Variants in EQTN observed in about 807,000 individuals in gnomAD.
The protein encoded by EQTN is equatorin.
In EQTN, 29 loss-of-function variants were observed where a neutral mutation model predicts 26.9. That is an observed-to-expected ratio of 1.08 (90% CI 0.80 to 1.47). The LOEUF is 1.47. Ranked by LOEUF, EQTN falls within the 40% of genes most tolerant of loss-of-function variation. The pLI is 0.00. For synonymous variants in EQTN, 129 were observed against 120.0 expected (o/e 1.07, Z -0.49); for missense variants, 391 against 346.1 (o/e 1.13, Z -1.03).
chr9:27,292,449 T>A lies in EQTN; in HGVS notation c.328A>T (p.Ile110Phe), dbSNP rs751279552. The change falls in exon 4 of 8, where the codon ATT becomes TTT. Residue 110 changes from isoleucine (I) to phenylalanine (F), a missense_variant. Coordinates refer to ENST00000380032, the MANE Select transcript of EQTN (RefSeq NM_020641.3). ...VNATTYEKST[I>F]EEETTTSEPS... ...TCGCTAGTAGTTGTTTCTTCTTCAA[T>A]GGTGGATTTTTCATATGTAGTTGCA... 1.2e-6 allele frequency: 2 copies of A among 1,609,276 alleles called. No homozygotes were observed. Among genetic ancestry groups the A allele is most frequent in the Admixed American group, 1.7e-5 (1 of 59,654 alleles).
At chr9:27,291,493 T>G (rs1307873072) in intron 4 of EQTN, among the ~76,000 whole-genome samples, 1 of 152,158 alleles carries the variant, frequency 6.6e-6, no homozygotes, top group Non-Finnish European at 1.5e-5. Context: ...GTAAGCAGGC[T>G]CAGTAAGCTC....
chr9:27,294,771 G>T (rs1445204973), intron 2 of EQTN, among the ~76,000 whole-genome samples: 2 of 152,138 alleles, frequency 1.3e-5, no homozygotes, highest in Non-Finnish European at 2.9e-5. Context: ...ACCTGCCCTT[G>T]AACCTTCTGT....
intron 1 of EQTN, 38 bp downstream of exon 1, chr9:27,296,942 A>G (rs536163428): frequency 1.2e-6 from 2 of 1,600,336 alleles, no homozygotes; most frequent in South Asian, 1.1e-5. Flanking sequence ...CATCCTTCTT[A>G]CCTACTATTT....
At chr9:27,293,489 G>C (rs1325268779) in intron 3 of EQTN, among the ~76,000 whole-genome samples, 1 of 152,198 alleles carries the variant, frequency 6.6e-6, no homozygotes, top group Non-Finnish European at 1.5e-5. Flanking sequence ...GTCTCCTTCT[G>C]TCAGAGCCCC....
chr9:27,295,603 G>A (rs1448846733), intron 2 of EQTN, among the ~76,000 whole-genome samples: 1 of 151,868 alleles, frequency 6.6e-6, no homozygotes, highest in African/African-American at 2.4e-5. Flanking sequence ...GGAGGCCGAG[G>A]CGGGCGGATC....
At chr9:27,291,088 C>G in intron 4 of EQTN, 25 bp from the exon 5 acceptor site, 1 of 1,576,748 alleles carries the variant, frequency 6.3e-7, no homozygotes, top group East Asian at 2.3e-5. Context: ...CAAAACACAA[C>G]AAGAACAACA....
At chr9:27,296,765 A>T (rs778963564) in intron 1 of EQTN, 27 bp from the exon 2 acceptor site, 1 of 1,591,704 alleles carries the variant, frequency 6.3e-7, no homozygotes, top group South Asian at 1.2e-5. Flanking sequence ...CACACCATAG[A>T]TCAGAAATAT....
intron 7 of EQTN, among the ~76,000 whole-genome samples, chr9:27,285,877 T>TA (rs1254905395): frequency 1.3e-5 from 2 of 152,154 alleles, no homozygotes; most frequent in Non-Finnish European, 2.9e-5. Flanking sequence ...CTTGCTTGAA[T>TA]AAAAAACATT....
rs554918171 is a variant in EQTN, at chr9:27,285,435, C to T, written c.636-463G>A. ...GGGATTACAGGTGTGAGCCACCACGCCCGGCCTAGTTTTTCTTTCATTGTA... is the reference window on the plus strand; with the variant it reads ...GGGATTACAGGTGTGAGCCACCACGTCCGGCCTAGTTTTTCTTTCATTGTA... On this transcript the variant is annotated intron_variant, in intron 7 of 7. Coordinates refer to ENST00000380032, the MANE Select transcript of EQTN (RefSeq NM_020641.3). Among the ~76,000 whole-genome samples the T allele has an allele frequency of 2.6e-5, 4 of 152,256 alleles. No individual in the cohort carries two copies. The South Asian group carries it at 8.3e-4, about 32-fold the overall frequency.
chr9:27,293,688 T>C (rs115080657), intron 3 of EQTN, among the ~76,000 whole-genome samples: 67 of 152,330 alleles, frequency 4.4e-4, no homozygotes, highest in African/African-American at 1.5e-3. Context: ...CTTCATGTCT[T>C]GTCCCAGACA....
chr9:27,295,009 A>C (rs1393691915), intron 2 of EQTN, among the ~76,000 whole-genome samples: 1 of 152,224 alleles, frequency 6.6e-6, no homozygotes, highest in East Asian at 1.9e-4. Flanking sequence ...TCCTCTCTCC[A>C]AAATTTCATA....
At chr9:27,286,051 A>T (rs1345797042) in intron 7 of EQTN, among the ~76,000 whole-genome samples, 158 bp downstream of exon 7, 4 of 152,242 alleles carry the variant, frequency 2.6e-5, no homozygotes, top group Non-Finnish European at 4.4e-5. Flanking sequence ...CCTTAAAGAC[A>T]GTCCCGTGCT....
chr9:27,286,479 G>A, intron 6 of EQTN, 117 bp from the exon 7 acceptor site: 3 of 983,240 alleles, frequency 3.1e-6, no homozygotes, highest in South Asian at 1.6e-5. Flanking sequence ...GTATTAACTG[G>A]CCGGTCTCCC....
intron 7 of EQTN, 114 bp from the exon 8 acceptor site, chr9:27,285,086 T>C (rs1224052405): frequency 1.4e-6 from 1 of 737,302 alleles, no homozygotes; most frequent in Non-Finnish European, 2.1e-6. Context: ...AAGTGTTAGT[T>C]ACTTAGTAAC....
In EQTN at chr9:27,296,608, CTT is replaced by C; in HGVS notation, c.202+3_202+4del. The C allele has an allele frequency of 6.7e-7, 1 of 1,487,896 alleles. No homozygotes were observed. The highest frequency in any genetic ancestry group is 9.3e-7 in the Non-Finnish European group (1 of 1,079,094). 92.2% of individuals were successfully genotyped at this position (1,487,896 alleles called of 1,614,324 possible). A position where few individuals can be genotyped will look rare whatever the true frequency, so the allele number is the denominator to read the frequency against. On this transcript the variant is annotated splice_donor_region_variant and intron_variant, in intron 2 of 7. Coordinates refer to ENST00000380032, the MANE Select transcript of EQTN (RefSeq NM_020641.3). ...TATACATTTCTATTCACTTTAAAGACTTACATTGTTTTATATCTTTATAATAA... is the reference window on the plus strand; with the variant it reads ...TATACATTTCTATTCACTTTAAAGACACATTGTTTTATATCTTTATAATAA...
At chr9:27,295,831 CAAAAAAAAAAA>C (rs67401588) in intron 2 of EQTN, among the ~76,000 whole-genome samples, 3 of 69,294 alleles carry the variant, frequency 4.3e-5, no homozygotes. Context: ...GACTCCGTCT[CAAAAAAAAAAA>C]AAAAAAAAAA....
Position 27,284,954 on chromosome 9 carries a change from A to T in EQTN, c.654T>A (p.Ser218Arg), listed in dbSNP as rs775718321. The change falls in exon 8 of 8, where the codon AGT (serine) becomes AGA (arginine). Residue 218 changes from serine to arginine, a missense_variant. Transcript: ENST00000380032. ...CCAGCTCTGGGTTGACAGAGTACTGACTCTCACAACTTTTATAACTGAAGA... is the reference window on the plus strand; with the variant it reads ...CCAGCTCTGGGTTGACAGAGTACTGTCTCTCACAACTTTTATAACTGAAGA... ...LRHLSYKSCE[S>R]QYSVNPELAT... The T allele has an allele frequency of 2.5e-6, 4 of 1,612,292 alleles. No individual in the cohort carries two copies. The South Asian group carries it at 4.4e-5, about 18-fold the overall frequency.
chr9:27,296,875 A>G lies in EQTN; in HGVS notation c.76+105T>C, dbSNP rs1312611063. On this transcript the variant is annotated intron_variant, in intron 1 of 7. Coordinates refer to ENST00000380032, the MANE Select transcript of EQTN (RefSeq NM_020641.3). Reference sequence around the variant, plus strand: ...TAAAACATACCATAGCTCCAACAATAAAGTTTATATCCTCCTGTAGAAAAC... The same window carrying G: ...TAAAACATACCATAGCTCCAACAATGAAGTTTATATCCTCCTGTAGAAAAC... 5 of 1,555,292 alleles carry G rather than the reference A, an allele frequency of 3.2e-6. No homozygotes were observed. In the South Asian group the frequency reaches 3.7e-5, roughly 11 times the overall value.
chr9:27,284,739 T>C lies in EQTN; in HGVS notation c.869A>G (p.Glu290Gly). ...GSDNEMHENDESVTR is the reference protein window; with the variant it reads ...GSDNEMHENDGSVTR ...TTGATTTCTTCACCGGGTAACCGACTCATCGTTTTCATGCATCTCATTATC... is the reference window on the plus strand; with the variant it reads ...TTGATTTCTTCACCGGGTAACCGACCCATCGTTTTCATGCATCTCATTATC... The change falls in exon 8 of 8, where the codon GAG becomes GGG. Residue 290 changes from glutamate (E) to glycine (G), a missense_variant. Coordinates refer to ENST00000380032, the MANE Select transcript of EQTN (RefSeq NM_020641.3). The C allele has an allele frequency of 6.2e-7, 1 of 1,613,818 alleles. No homozygotes were observed.
Sources: allele counts gnomAD v4.1 joint callset (sites outside exome capture counted in the v4.1 genomes callset), GRCh38; gene constraint gnomAD v4.1.1; transcripts MANE v1.5; gene names NCBI Gene and HGNC (gene_info 2026-07-23, HGNC 2026-07-21).